The following CAMTA1 variants were observed in gnomAD, a reference collection of about 807,000 sequenced individuals.
CAMTA1 encodes the protein calmodulin binding transcription activator 1, also known as calmodulin-binding transcription activator 1.
In CAMTA1, 27 loss-of-function variants were observed where a neutral mutation model predicts 170.9. The ratio of observed to expected loss-of-function variants is 0.16; its 90% confidence interval spans 0.12 to 0.22. The LOEUF is 0.22. Among genes scored for constraint, CAMTA1 ranks in the 10% least tolerant of loss-of-function variants. The pLI is 1.00. For synonymous variants in CAMTA1, 833 were observed against 891.5 expected (o/e 0.93, Z 1.17); for missense variants, 1,619 against 2,217.2 (o/e 0.73, Z 5.42).
chr1:7,496,911 C>G (rs1317337028), intron 6 of CAMTA1, among the ~76,000 whole-genome samples: 1 of 145,760 alleles, frequency 6.9e-6, no homozygotes, highest in Admixed American at 6.8e-5. Flanking sequence ...GCCCAAGAGC[C>G]TCCATCCTGA....
At chr1:7,178,581 C>T (rs1164220622) in intron 4 of CAMTA1, among the ~76,000 whole-genome samples, 1 of 152,196 alleles carries the variant, frequency 6.6e-6, no homozygotes, top group East Asian at 1.9e-4. Flanking sequence ...TAGCCAAGGG[C>T]TGAGGGCTTT....
At chr1:7,129,228 A>G (rs1283775547) in intron 4 of CAMTA1, among the ~76,000 whole-genome samples, 1 of 152,164 alleles carries the variant, frequency 6.6e-6, no homozygotes, top group African/African-American at 2.4e-5. Context: ...ATTTGGGTCC[A>G]TCTGGCTTCT....
chr1:7,011,824 AT>A (rs1699853973), intron 3 of CAMTA1, among the ~76,000 whole-genome samples: 2 of 152,174 alleles, frequency 1.3e-5, no homozygotes, highest in South Asian at 4.1e-4. Context: ...TCATTAATAT[AT>A]GCTGGCTGTG....
At position 7,547,883 on chromosome 1, in the gene CAMTA1, AC is replaced by A. The variant is rs1014061339; in HGVS notation, c.510+79988del. Among the ~76,000 whole-genome samples the A allele has an allele frequency of 2.6e-5, 4 of 151,256 alleles. No homozygotes were observed. The highest frequency in any genetic ancestry group is 2.1e-4 in the South Asian group (1 of 4,784). ...CTTGCAAGGGCACTCCACTGTGTGG[AC>A]CCCCCACTCACCCGTCAATATGCCC... On this transcript the variant is annotated intron_variant, in intron 6 of 22. Transcript: ENST00000303635. The surrounding 1 kb of genome is among the most constrained non-coding windows in gnomAD (Gnocchi z 5.7).
intron 5 of CAMTA1, among the ~76,000 whole-genome samples, chr1:7,396,028 G>C (rs1429492038): frequency 6.6e-6 from 1 of 152,078 alleles, no homozygotes; most frequent in Non-Finnish European, 1.5e-5. Flanking sequence ...GTTATGGTTT[G>C]GATATTTGAC....
chr1:6,903,729 C>CT (rs1441512209), intron 3 of CAMTA1, among the ~76,000 whole-genome samples: 1 of 152,174 alleles, frequency 6.6e-6, no homozygotes, highest in East Asian at 1.9e-4. Context: ...AAGTTGAAGA[C>CT]TTTCCATATG....
rs1296309541 is a variant in CAMTA1 at position 7,265,100 on chromosome 1, GC to G, written c.438+15476del. ...TTTCTGCTGCAGAACTTCTCAGGCA[GC>G]CTCGAGTTAGATGTGCCAGTGCCAC... On this transcript the variant is annotated intron_variant, in intron 5 of 22. Coordinates refer to ENST00000303635, the MANE Select transcript of CAMTA1 (RefSeq NM_015215.4). 5.3e-5 allele frequency among the ~76,000 whole-genome samples: 8 copies of G among 152,206 alleles called. No homozygotes were observed. The East Asian group carries it at 1.5e-3, about 29-fold the overall frequency.
chr1:6,997,487 C>T (rs746724389), intron 3 of CAMTA1, among the ~76,000 whole-genome samples: 19 of 152,182 alleles, frequency 1.2e-4, no homozygotes, highest in Non-Finnish European at 2.2e-4. Context: ...TCCTTTGGCT[C>T]TTCGGGCAGC....
chr1:6,819,020 A>G (rs930373875), intron 1 of CAMTA1, among the ~76,000 whole-genome samples: 38 of 151,788 alleles, frequency 2.5e-4, no homozygotes, highest in African/African-American at 8.7e-4. Context: ...TGGTGTTATC[A>G]TGGTTCACTG....
chr1:7,512,507 G>A (rs573435359), intron 6 of CAMTA1, among the ~76,000 whole-genome samples: 22 of 152,374 alleles, frequency 1.4e-4, no homozygotes, highest in African/African-American at 4.8e-4. Flanking sequence ...GGCAGATTCA[G>A]TGGCTGTGTC....
chr1:6,818,332 G>A (rs562039711), intron 1 of CAMTA1, among the ~76,000 whole-genome samples: 4 of 152,128 alleles, frequency 2.6e-5, no homozygotes, highest in Admixed American at 6.5e-5. Flanking sequence ...GTGAGACTCC[G>A]TCTCAAAACA....
In CAMTA1 at chr1:6,879,781, C is replaced by T. The variant is rs529011354; in HGVS notation, c.234+54571C>T. Among the ~76,000 whole-genome samples the T allele has an allele frequency of 7.3e-4, 110 of 150,418 alleles. 1 individual carries two copies. Among genetic ancestry groups the T allele is most frequent in the Non-Finnish European group, 1.4e-3 (93 of 67,600 alleles). On this transcript the variant is annotated intron_variant, in intron 3 of 22. Coordinates refer to ENST00000303635, the MANE Select transcript of CAMTA1 (RefSeq NM_015215.4). ...GTAGCTGGGACTACCTTTGCTGCTG[C>T]GCCTAATTTTTTTTTTTTTTTTTTG...
In CAMTA1 at chr1:7,463,007, C is replaced by T. The variant is rs756757088; in HGVS notation, c.439-4823C>T. On this transcript the variant is annotated intron_variant, in intron 5 of 22. Coordinates refer to ENST00000303635, the MANE Select transcript of CAMTA1 (RefSeq NM_015215.4). This position sits in a 1 kb window ranked among gnomAD's most constrained non-coding sequence, Gnocchi z 4.7. ...GGACCTGAGCTGGACTCCAGCTGAG[C>T]GGGGTCTTCGGAGGCAGCACAGGGA... 2.0e-5 allele frequency among the ~76,000 whole-genome samples: 3 copies of T among 152,176 alleles called. No individual in the cohort carries two copies. Among genetic ancestry groups the T allele is most frequent in the Non-Finnish European group, 2.9e-5 (2 of 68,032 alleles).
chr1:6,853,698 G>A (rs1275085002), intron 3 of CAMTA1, among the ~76,000 whole-genome samples: 1 of 152,148 alleles, frequency 6.6e-6, no homozygotes, highest in Non-Finnish European at 1.5e-5. Context: ...TTTCAAGGAT[G>A]TAGAAAAGTT....
At chr1:7,489,477 G>A (rs572373529) in intron 6 of CAMTA1, among the ~76,000 whole-genome samples, 2 of 152,272 alleles carry the variant, frequency 1.3e-5, no homozygotes, top group East Asian at 1.9e-4. Context: ...TCTGCATCTC[G>A]TTCTCCAGGT....
chr1:7,138,373 T>C (rs1034422489), intron 4 of CAMTA1, among the ~76,000 whole-genome samples: 1 of 152,210 alleles, frequency 6.6e-6, no homozygotes, highest in African/African-American at 2.4e-5. Context: ...AGCATTGGCA[T>C]TTAAATGCCC....
chr1:7,221,407 C>T (rs1042492805), intron 4 of CAMTA1, among the ~76,000 whole-genome samples: 6 of 152,162 alleles, frequency 3.9e-5, no homozygotes, highest in African/African-American at 9.7e-5. Flanking sequence ...GGGGCTTTCA[C>T]GAGCAGAGCC....
rs184660596 is a variant in CAMTA1 at position 7,283,858 on chromosome 1, T to A, written c.438+34232T>A. ...ATGGACTGCTTGCCCCAGCCTGTTC[T>A]CCATGCTGCAGCTGAGGGGTCTTTC... On this transcript the variant is annotated intron_variant, in intron 5 of 22. Coordinates refer to ENST00000303635, the MANE Select transcript of CAMTA1 (RefSeq NM_015215.4). Among the ~76,000 whole-genome samples the A allele has an allele frequency of 2.5e-4, 38 of 152,312 alleles. 1 individual carries two copies. The East Asian group carries it at 6.6e-3, about 26-fold the overall frequency.
rs780028586 is a variant in CAMTA1, at chr1:7,682,345, C to T, written c.2914+4612C>T. ...GGTTATCCTGTGACTTCTGGGGCAG[C>T]CTGGCCCTGGGGTAGGTGTCTGGGA... On this transcript the variant is annotated intron_variant, in intron 11 of 22. Coordinates refer to ENST00000303635, the MANE Select transcript of CAMTA1 (RefSeq NM_015215.4). The surrounding 1 kb of genome is among the most constrained non-coding windows in gnomAD (Gnocchi z 5.0). Among the ~76,000 whole-genome samples, 6 of 152,228 alleles carry T rather than the reference C, an allele frequency of 3.9e-5. No homozygotes were observed. Among genetic ancestry groups the T allele is most frequent in the Non-Finnish European group, 7.3e-5 (5 of 68,038 alleles).
Sources: gnomAD v4.1 joint callset for allele counts (sites outside exome capture counted in the v4.1 genomes callset) on GRCh38, gnomAD v4.1.1 for gene constraint, Gnocchi (gnomAD v3.1) non-coding constraint, MANE v1.5 for transcripts, NCBI Gene and HGNC (gene_info 2026-07-23, HGNC 2026-07-21) for gene names.